The following RNASET2 variants were observed in gnomAD, a reference collection of about 807,000 sequenced individuals.
The protein encoded by RNASET2 is ribonuclease 6.
RNASET2 carries 28 observed loss-of-function variants against 33.9 expected under a neutral mutation model. The observed-to-expected ratio is 0.83, with a 90% CI of 0.61 to 1.13. The LOEUF is 1.13. RNASET2 is among the 50% of genes most tolerant of loss of function. The probability of loss-of-function intolerance (pLI) is 0.00; values close to 1 mark genes in which losing one functional copy is unlikely to be tolerated. For synonymous variants in RNASET2, 123 were observed against 121.0 expected (o/e 1.02, Z -0.11); for missense variants, 330 against 319.9 (o/e 1.03, Z -0.24).
In RNASET2 at chr6:166,923,689, CTT is replaced by C. The variant is rs1778266339; in HGVS notation, c.*5897_*5898del. Among the ~76,000 whole-genome samples, 1 of 152,096 alleles carries C rather than the reference CTT, an allele frequency of 6.6e-6. No individual in the cohort carries two copies. Among genetic ancestry groups the C allele is most frequent in the South Asian group, 2.1e-4 (1 of 4,832 alleles). On this transcript the variant is annotated 3_prime_UTR_variant, in exon 9 of 9. Transcript: ENST00000508775. ...TTCTCATCATCTGTCAGAGATTTTG[CTT>C]CAGATAAGAAAACCCTCACTACTGC...
chr6:166,951,956 C>A (rs1778995081), intron 2 of RNASET2, among the ~76,000 whole-genome samples: 1 of 152,112 alleles, frequency 6.6e-6, no homozygotes, highest in African/African-American at 2.4e-5. Flanking sequence ...GTGAACATGA[C>A]CCTACATGGA....
rs58837223 is a variant in RNASET2, at chr6:166,927,713, C to CAAAAAAAAAAAAAAAAAAAAAAAAAAAA, written c.*1874_*1875insTTTTTTTTTTTTTTTTTTTTTTTTTTTT. On this transcript the variant is annotated 3_prime_UTR_variant, in exon 9 of 9. Transcript: ENST00000508775. ...TGATCCCTGTGTTCGCAAAATGACT[C>CAAAAAAAAAAAAAAAAAAAAAAAAAAAA]AAAAAAAAAAAAAAAAAAAAAAAGA... Among the ~76,000 whole-genome samples the CAAAAAAAAAAAAAAAAAAAAAAAAAAAA allele has an allele frequency of 6.3e-5, 3 of 47,342 alleles. No individual in the cohort carries two copies. Among genetic ancestry groups the CAAAAAAAAAAAAAAAAAAAAAAAAAAAA allele is most frequent in the African/African-American group, 1.7e-4 (2 of 11,648 alleles). 31.1% of individuals were successfully genotyped at this position (47,342 alleles called of 152,430 possible).
intron 8 of RNASET2, 95 bp from the exon 9 acceptor site, chr6:166,929,886 CAA>C: frequency 8.1e-7 from 1 of 1,232,346 alleles, no homozygotes; most frequent in African/African-American, 1.5e-5. Flanking sequence ...TAGAAGATAA[CAA>C]AAGCAGAGGC....
chr6:166,926,940 C>T lies in RNASET2; in HGVS notation c.*2648G>A, dbSNP rs1459734243. Among the ~76,000 whole-genome samples the T allele has an allele frequency of 2.0e-5, 3 of 152,210 alleles. No individual in the cohort carries two copies. Among genetic ancestry groups the T allele is most frequent in the East Asian group, 1.9e-4 (1 of 5,194 alleles). ...CCTGGCTGCTCTCCATCCTGAGATGCGCCTGCTCCTTTGTCCCCCTGGGAG... is the reference window on the plus strand; with the variant it reads ...CCTGGCTGCTCTCCATCCTGAGATGTGCCTGCTCCTTTGTCCCCCTGGGAG... On this transcript the variant is annotated 3_prime_UTR_variant, in exon 9 of 9. Coordinates refer to ENST00000508775, the MANE Select transcript of RNASET2 (RefSeq NM_003730.6).
chr6:166,930,914 C>T (rs1458189101), intron 8 of RNASET2, 130 bp downstream of exon 8: 11 of 761,204 alleles, frequency 1.4e-5, no homozygotes, highest in Non-Finnish European at 2.6e-5. Flanking sequence ...ACACCACATG[C>T]CCACATATAC....
In RNASET2 at chr6:166,929,006, A is replaced by C. The variant is rs1426500833; in HGVS notation, c.*582T>G. On this transcript the variant is annotated 3_prime_UTR_variant, in exon 9 of 9. Coordinates refer to ENST00000508775, the MANE Select transcript of RNASET2 (RefSeq NM_003730.6). Reference sequence around the variant, plus strand: ...GATGGCTGCTCTGTGAATACACCCAAATCTCCTAGGGCAGGAGGGGCAAAG... The same window carrying C: ...GATGGCTGCTCTGTGAATACACCCACATCTCCTAGGGCAGGAGGGGCAAAG... 6.6e-6 allele frequency among the ~76,000 whole-genome samples: 1 copy of C among 152,152 alleles called. No homozygotes were observed. The highest frequency in any genetic ancestry group is 1.5e-5 in the Non-Finnish European group (1 of 68,018).
intron 6 of RNASET2, among the ~76,000 whole-genome samples, chr6:166,936,513 G>A (rs538186758): frequency 1.3e-5 from 2 of 152,238 alleles, no homozygotes; most frequent in African/African-American, 4.8e-5. Context: ...AGGGCCTCAG[G>A]AAACTTCCGC....
chr6:166,945,760 G>GT (rs955709168), intron 4 of RNASET2, among the ~76,000 whole-genome samples: 36 of 151,444 alleles, frequency 2.4e-4, no homozygotes, highest in African/African-American at 8.5e-4. Flanking sequence ...AACCCGGGAG[G>GT]TGGAGGTTGC....
intron 5 of RNASET2, among the ~76,000 whole-genome samples, chr6:166,941,325 T>C (rs1335530804): frequency 6.6e-6 from 1 of 152,236 alleles, no homozygotes; most frequent in Non-Finnish European, 1.5e-5. Context: ...TGTTTGCTGA[T>C]TTATTTTAAG....
chr6:166,926,660 G>A lies in RNASET2; in HGVS notation c.*2928C>T, dbSNP rs143473323. The stretch of plus-strand genomic sequence containing the variant: ...GCTTGGAGAGAGGGATTGCTTTCCA[G>A]GTGACAAAGCATTGTCCCCTCCCAG... On this transcript the variant is annotated 3_prime_UTR_variant, in exon 9 of 9. Transcript: ENST00000508775. Among the ~76,000 whole-genome samples, 1 of 152,202 alleles carries A rather than the reference G, an allele frequency of 6.6e-6. No individual in the cohort carries two copies. The highest frequency in any genetic ancestry group is 2.4e-5 in the African/African-American group (1 of 41,534).
rs1336225419 is a variant in RNASET2, at chr6:166,931,103, C to G, written c.508G>C (p.Asp170His). The G allele has an allele frequency of 2.5e-6, 4 of 1,608,304 alleles. No homozygotes were observed. Among genetic ancestry groups the G allele is most frequent in the Non-Finnish European group, 3.4e-6 (4 of 1,174,804 alleles). ...INYYQVADFK[D>H]ALARVYGVIP... ...ACTCCATATACTCTGGCAAGGGCAT[C>G]TTTAAAATCTGCAACCTGATTTTAA... Residue 170 changes from aspartate to histidine, a missense_variant, in exon 8 of 9, where the codon GAT becomes CAT. Coordinates refer to ENST00000508775, the MANE Select transcript of RNASET2 (RefSeq NM_003730.6).
At chr6:166,937,962 A>G (rs1483875171) in intron 6 of RNASET2, among the ~76,000 whole-genome samples, 1 of 152,216 alleles carries the variant, frequency 6.6e-6, no homozygotes, top group Non-Finnish European at 1.5e-5. Context: ...CATCTGTGTG[A>G]GACGATTTTG....
Position 166,934,118 on chromosome 6 carries a change from C to T in RNASET2, c.465G>A (p.Gly155=). 1.2e-6 allele frequency: 2 copies of T among 1,607,494 alleles called. No homozygotes were observed. Among genetic ancestry groups the T allele is most frequent in the Non-Finnish European group, 1.7e-6 (2 of 1,174,252 alleles). Residue 155 remains glycine (G), a synonymous_variant, in exon 7 of 9, where the codon GGG becomes GGA. Transcript: ENST00000508775. ...GGTAGTAATTGATGGATGGTTTTATCCCCAATTTTAGAAGCACACTAAAAT... is the reference window on the plus strand; with the variant it reads ...GGTAGTAATTGATGGATGGTTTTATTCCCAATTTTAGAAGCACACTAAAAT... The part of the protein sequence containing the change: ...LDLNSVLLKL[G]IKPSINYYQV...
chr6:166,931,182 C>G (rs1373378595), intron 7 of RNASET2, 64 bp from the exon 8 acceptor site: 12 of 1,166,028 alleles, frequency 1.0e-5, no homozygotes, highest in Non-Finnish European at 1.4e-5. Flanking sequence ...CAGTTCTGGA[C>G]TATCCTGAGC....
At position 166,931,060 on chromosome 6, in the gene RNASET2, C is replaced by T; in HGVS notation, c.551G>A (p.Cys184Tyr). 1 of 1,612,326 alleles carries T rather than the reference C, an allele frequency of 6.2e-7. No homozygotes were observed. Among genetic ancestry groups the T allele is most frequent in the Non-Finnish European group, 8.5e-7 (1 of 1,178,350 alleles). The change falls in exon 8 of 9, where the codon TGC (cysteine) becomes TAC (tyrosine). Residue 184 changes from cysteine to tyrosine, a missense_variant. Coordinates refer to ENST00000508775, the MANE Select transcript of RNASET2 (RefSeq NM_003730.6). ...CTGTCTAACCTGGCTTGGTGGAAGG[C>T]ACTGGATTTTGGGTATCACTCCATA... ...RVYGVIPKIQCLPPSQDEEVQ... is the reference protein window; with the variant it reads ...RVYGVIPKIQYLPPSQDEEVQ...
rs562950786 is a variant in RNASET2 at position 166,922,893 on chromosome 6, CTT to C, written c.*6693_*6694del. Among the ~76,000 whole-genome samples the C allele has an allele frequency of 3.2e-4, 49 of 152,274 alleles. No homozygotes were observed. In the South Asian group the frequency reaches 0.01, roughly 32 times the overall value. ...AAGCTGTACACGCCAGGTTCAATGT[CTT>C]TGCTGGTAAAAATGGGCCACTGTCA... On this transcript the variant is annotated 3_prime_UTR_variant, in exon 9 of 9. Transcript: ENST00000508775.
At chr6:166,938,843 C>T (rs781036988) in intron 6 of RNASET2, 52 bp downstream of exon 6, 32 of 1,316,260 alleles carry the variant, frequency 2.4e-5, no homozygotes, top group Admixed American at 2.0e-4. Context: ...CAGGCTTGGG[C>T]GACAGCAGAG....
chr6:166,952,582 CT>C (rs760832781), intron 1 of RNASET2, 34 bp from the exon 2 acceptor site: 4 of 1,570,022 alleles, frequency 2.5e-6, no homozygotes, highest in South Asian at 1.1e-5. Context: ...TTTTCAAGAA[CT>C]TTTTTTAAAG....
chr6:166,933,714 GTTTCT>G lies in RNASET2; in HGVS notation c.492+372_492+376del, dbSNP rs1053367610. ...ATCTTGTCATGCTTAAATATCTATA[GTTTCT>G]TTTATCATAAAACAAATCACAATTT... On this transcript the variant is annotated intron_variant, in intron 7 of 8. Coordinates refer to ENST00000508775, the MANE Select transcript of RNASET2 (RefSeq NM_003730.6). This position sits in a 1 kb window ranked among gnomAD's most constrained non-coding sequence, Gnocchi z 4.1. The G allele has an allele frequency of 5.9e-5, 15 of 255,136 alleles. No individual in the cohort carries two copies. The highest frequency in any genetic ancestry group is 3.1e-4 in the African/African-American group (14 of 44,476). The allele number at this position is 255,136 out of a possible 1,614,324, so 15.8% of individuals were successfully genotyped here.
Sources: allele counts gnomAD v4.1 joint callset (sites outside exome capture counted in the v4.1 genomes callset), GRCh38; gene constraint gnomAD v4.1.1; non-coding constraint Gnocchi (gnomAD v3.1); transcripts MANE v1.5; gene names NCBI Gene and HGNC (gene_info 2026-07-23, HGNC 2026-07-21).